Variants in PCDHB8 observed in about 807,000 individuals in gnomAD.
PCDHB8 encodes protocadherin beta-8.
For synonymous variants in PCDHB8, 385 were observed against 448.5 expected, an observed-to-expected ratio of 0.86 and a Z score of 1.79; for missense variants, 836 against 1,004.0, an observed-to-expected ratio of 0.83 and a Z score of 2.26.
In PCDHB8 at chr5:141,178,938, A is replaced by T. The variant is rs781833655; in HGVS notation, c.904A>T (p.Ile302Phe). 6.2e-7 allele frequency: 1 copy of T among 1,614,132 alleles called. No individual in the cohort carries two copies. Among genetic ancestry groups the T allele is most frequent in the Non-Finnish European group, 8.5e-7 (1 of 1,180,060 alleles). ...TFKVDFLTGE[I>F]RLKKQLDFEK... Reference sequence around the variant, plus strand: ...TAAGGTCGATTTCTTGACAGGAGAAATTCGACTAAAGAAACAACTTGATTT... The same window carrying T: ...TAAGGTCGATTTCTTGACAGGAGAATTTCGACTAAAGAAACAACTTGATTT... The change falls in exon 1 of 1, where the codon ATT (isoleucine) becomes TTT (phenylalanine). Residue 302 changes from isoleucine to phenylalanine, a missense_variant. Transcript: ENST00000239444.
Position 141,179,815 on chromosome 5 carries a change from A to G in PCDHB8, c.1781A>G (p.Asp594Gly), listed in dbSNP as rs782612510. The G allele has an allele frequency of 4.3e-6, 7 of 1,610,226 alleles. No individual in the cohort carries two copies. Among genetic ancestry groups the G allele is most frequent in the Non-Finnish European group, 5.9e-6 (7 of 1,179,544 alleles). ...CTGGTGACCAAGGTGGTGGCGGTGG[A>G]CGGCGACTCGGGCCAGAACGCCTGG... ...GYLVTKVVAV[D>G]GDSGQNAWLS... The change falls in exon 1 of 1, where the codon GAC becomes GGC. Residue 594 changes from aspartate to glycine, a missense_variant. Asp to Gly is a moderately conservative substitution (Grantham distance 94, BLOSUM62 -1). Transcript: ENST00000239444.
chr5:141,179,292 G>C lies in PCDHB8; in HGVS notation c.1258G>C (p.Val420Leu), dbSNP rs1184271669. Residue 420 changes from valine (V) to leucine (L), a missense_variant, in exon 1 of 1, where the codon GTC (valine) becomes CTC (leucine). Coordinates refer to ENST00000239444, the MANE Select transcript of PCDHB8 (RefSeq NM_019120.5). ...CAGAGAAAGCAGAGCCGAGTACAAC[G>C]TCACTATCACCGTCACTGACTTAGG... Reference protein sequence around the residue: ...LDRESRAEYNVTITVTDLGTP... With the variant: ...LDRESRAEYNLTITVTDLGTP... 1.9e-6 allele frequency: 3 copies of C among 1,614,174 alleles called. No homozygotes were observed. The highest frequency in any genetic ancestry group is 1.1e-5 in the South Asian group (1 of 91,082).
Position 141,180,125 on chromosome 5 carries a change from G to C in PCDHB8, c.2091G>C (p.Ser697=). 6.2e-7 allele frequency: 1 copy of C among 1,610,978 alleles called. No individual in the cohort carries two copies. The highest frequency in any genetic ancestry group is 1.1e-5 in the South Asian group (1 of 90,974). ...TCTACCTGGTGGTGGCGTTGGCCTC[G>C]GTGTCTTCGCTCTTCCTCTTCTCGG... ...LTVYLVVALA[S]VSSLFLFSVL... The change falls in exon 1 of 1, where the codon TCG becomes TCC. Residue 697 remains serine, a synonymous_variant. Coordinates refer to ENST00000239444, the MANE Select transcript of PCDHB8 (RefSeq NM_019120.5).
In PCDHB8 at chr5:141,179,754, A is replaced by C; in HGVS notation, c.1720A>C (p.Thr574Pro). The C allele has an allele frequency of 6.2e-7, 1 of 1,611,230 alleles. No homozygotes were observed. Among genetic ancestry groups the C allele is most frequent in the Non-Finnish European group, 8.5e-7 (1 of 1,179,482 alleles). Residue 574 changes from threonine to proline, a missense_variant, in exon 1 of 1, where the codon ACC becomes CCC. Thr to Pro is a conservative substitution (Grantham distance 38, BLOSUM62 -1). Transcript: ENST00000239444. The stretch of plus-strand genomic sequence containing the variant: ...GCTGCAGAATGGCTCCGCGCCCTGC[A>C]CCGAGCTGGTGCCCCGGGCGGCCGA... The part of the protein sequence containing the change: ...YPLQNGSAPC[T>P]ELVPRAAEPG...
Position 141,179,680 on chromosome 5 carries a change from G to A in PCDHB8, c.1646G>A (p.Arg549His). The change falls in exon 1 of 1, where the codon CGC (arginine) becomes CAC (histidine). Residue 549 changes from arginine to histidine, a missense_variant. Physicochemically the swap from Arg to His is conservative, Grantham distance 29. Coordinates refer to ENST00000239444, the MANE Select transcript of PCDHB8 (RefSeq NM_019120.5). ...SPALSSEALV[R>H]VLVLDANDNS... ...GCTTTGAGCAGCGAGGCGCTGGTGC[G>A]CGTGCTGGTGCTGGACGCCAACGAC... The A allele has an allele frequency of 6.2e-7, 1 of 1,612,334 alleles. No individual in the cohort carries two copies. The highest frequency in any genetic ancestry group is 8.5e-7 in the Non-Finnish European group (1 of 1,179,828).
Position 141,179,962 on chromosome 5 carries a change from T to C in PCDHB8, c.1928T>C (p.Val643Ala). The C allele has an allele frequency of 6.2e-7, 1 of 1,608,582 alleles. No individual in the cohort carries two copies. Residue 643 changes from valine to alanine, a missense_variant, in exon 1 of 1, where the codon GTG becomes GCG. By Grantham distance (64) the Val-to-Ala change is moderately conservative (BLOSUM62 0). Transcript: ENST00000239444. ...GACGCGGCCAAGCAGAGGCTGGTGGTGCTGGTCAAGGACAATGGCGAGCCT... is the reference window on the plus strand; with the variant it reads ...GACGCGGCCAAGCAGAGGCTGGTGGCGCTGGTCAAGGACAATGGCGAGCCT... ...ERDAAKQRLV[V>A]LVKDNGEPPC... is the part of the protein sequence containing the mutation.
At position 141,178,873 on chromosome 5, in the gene PCDHB8, A is replaced by G. The variant is rs1554281035; in HGVS notation, c.839A>G (p.Tyr280Cys). The G allele has an allele frequency of 6.2e-7, 1 of 1,614,236 alleles. No homozygotes were observed. Among genetic ancestry groups the G allele is most frequent in the African/African-American group, 1.3e-5 (1 of 75,068 alleles). ...VDTGVNGEIS[Y>C]SLFQASDEIS... is the part of the protein sequence containing the mutation. ...ACAGGAGTCAACGGAGAGATTTCCT[A>G]TTCACTTTTCCAAGCTTCAGATGAG... is the stretch of plus-strand genomic sequence containing the variant. The change falls in exon 1 of 1, where the codon TAT (tyrosine) becomes TGT (cysteine). Residue 280 changes from tyrosine (Y) to cysteine (C), a missense_variant. Tyr to Cys is a radical substitution (Grantham distance 194). Coordinates refer to ENST00000239444, the MANE Select transcript of PCDHB8 (RefSeq NM_019120.5).
At position 141,180,199 on chromosome 5, in the gene PCDHB8, C is replaced by T. The variant is rs782425180; in HGVS notation, c.2165C>T (p.Ser722Leu). The T allele has an allele frequency of 1.5e-5, 24 of 1,612,700 alleles. No individual in the cohort carries two copies. The East Asian group carries it at 4.9e-4, about 33-fold the overall frequency. ...VLLCRRSRAA[S>L]VGRCSVPEGP... ...CTGTGTAGGAGGAGCAGGGCGGCCTCGGTGGGTCGCTGCTCAGTGCCTGAG... is the reference window on the plus strand; with the variant it reads ...CTGTGTAGGAGGAGCAGGGCGGCCTTGGTGGGTCGCTGCTCAGTGCCTGAG... Residue 722 changes from serine (S) to leucine (L), a missense_variant, in exon 1 of 1, where the codon TCG (serine) becomes TTG (leucine). By Grantham distance (145) the Ser-to-Leu change is moderately radical. Transcript: ENST00000239444.
In PCDHB8 at chr5:141,179,189, C is replaced by T; in HGVS notation, c.1155C>T (p.Ser385=). ...DSGENGKISC[S]IQEDLPFLLK... Reference sequence around the variant, plus strand: ...GAGAAAATGGGAAAATAAGTTGCTCCATTCAGGAGGATCTACCCTTCCTCC... The same window carrying T: ...GAGAAAATGGGAAAATAAGTTGCTCTATTCAGGAGGATCTACCCTTCCTCC... Residue 385 remains serine (S), a synonymous_variant, in exon 1 of 1, where the codon TCC becomes TCT. Coordinates refer to ENST00000239444, the MANE Select transcript of PCDHB8 (RefSeq NM_019120.5). The T allele has an allele frequency of 6.2e-7, 1 of 1,614,180 alleles. No homozygotes were observed.
In PCDHB8 at chr5:141,179,828, C is replaced by A. The variant is rs1485526182; in HGVS notation, c.1794C>A (p.Gly598=). 33 of 1,610,334 alleles carry A rather than the reference C, an allele frequency of 2.0e-5. No homozygotes were observed. Among genetic ancestry groups the A allele is most frequent in the Non-Finnish European group, 2.6e-5 (31 of 1,179,652 alleles). ...TKVVAVDGDS[G]QNAWLSYQLL... ...TGGTGGCGGTGGACGGCGACTCGGG[C>A]CAGAACGCCTGGCTGTCGTACCAGC... The change falls in exon 1 of 1, where the codon GGC becomes GGA. Residue 598 remains glycine, a synonymous_variant. Coordinates refer to ENST00000239444, the MANE Select transcript of PCDHB8 (RefSeq NM_019120.5).
Position 141,179,982 on chromosome 5 carries a change from G to T in PCDHB8, c.1948G>T (p.Glu650Ter). The T allele has an allele frequency of 6.2e-7, 1 of 1,608,650 alleles. No individual in the cohort carries two copies. The highest frequency in any genetic ancestry group is 8.5e-7 in the Non-Finnish European group (1 of 1,179,694). The change falls in exon 1 of 1, where the codon GAG (glutamate) becomes TAG (stop). Residue 650 changes from glutamate (E) to a stop codon, truncating the protein, a stop_gained. Transcript: ENST00000239444. LOFTEE classifies it low-confidence loss of function (END_TRUNC). The part of the protein sequence containing the change: ...RLVVLVKDNG[E>*]PPCSATATLH... ...GGTGGTGCTGGTCAAGGACAATGGC[G>T]AGCCTCCGTGCTCGGCCACCGCCAC...
At position 141,179,694 on chromosome 5, in the gene PCDHB8, G is replaced by C; in HGVS notation, c.1660G>C (p.Asp554His). The change falls in exon 1 of 1, where the codon GAC (aspartate) becomes CAC (histidine). Residue 554 changes from aspartate (D) to histidine (H), a missense_variant. By Grantham distance (81) the Asp-to-His change is moderately conservative (BLOSUM62 -1). Transcript: ENST00000239444. ...SEALVRVLVL[D>H]ANDNSPFVLY... ...GGCGCTGGTGCGCGTGCTGGTGCTG[G>C]ACGCCAACGACAACTCGCCCTTCGT... 6.2e-7 allele frequency: 1 copy of C among 1,612,300 alleles called. No homozygotes were observed. Among genetic ancestry groups the C allele is most frequent in the Non-Finnish European group, 8.5e-7 (1 of 1,179,832 alleles).
Position 141,180,192 on chromosome 5 carries a change from G to A in PCDHB8, c.2158G>A (p.Ala720Thr), listed in dbSNP as rs1753521984. 2 of 1,612,552 alleles carry A rather than the reference G, an allele frequency of 1.2e-6. No individual in the cohort carries two copies. Among genetic ancestry groups the A allele is most frequent in the Admixed American group, 1.7e-5 (1 of 60,000 alleles). Residue 720 changes from alanine to threonine, a missense_variant, in exon 1 of 1, where the codon GCG becomes ACG. Transcript: ENST00000239444. Reference protein sequence around the residue: ...VAVLLCRRSRAASVGRCSVPE... With the variant: ...VAVLLCRRSRTASVGRCSVPE... ...GGTGCTGCTGTGTAGGAGGAGCAGG[G>A]CGGCCTCGGTGGGTCGCTGCTCAGT...
rs782269574 is a variant in PCDHB8, at chr5:141,179,588, G to T, written c.1554G>T (p.Arg518Ser). Residue 518 changes from arginine (R) to serine (S), a missense_variant, in exon 1 of 1, where the codon AGG becomes AGT. Coordinates refer to ENST00000239444, the MANE Select transcript of PCDHB8 (RefSeq NM_019120.5). ...ACAACGGCCACCTGTTCGCCCTCAG[G>T]TCGCTGGACTACGAGGCCCTGCAGG... is the stretch of plus-strand genomic sequence containing the variant. The part of the protein sequence containing the change: ...NTDNGHLFAL[R>S]SLDYEALQAF... 3 of 1,613,674 alleles carry T rather than the reference G, an allele frequency of 1.9e-6. No homozygotes were observed. Among genetic ancestry groups the T allele is most frequent in the Non-Finnish European group, 2.5e-6 (3 of 1,179,990 alleles).
In PCDHB8 at chr5:141,180,317, G is replaced by C; in HGVS notation, c.2283G>C (p.Gly761=). 1.2e-6 allele frequency: 2 copies of C among 1,614,102 alleles called. No individual in the cohort carries two copies. Among genetic ancestry groups the C allele is most frequent in the Non-Finnish European group, 1.7e-6 (2 of 1,179,966 alleles). ...QYEVCLAGGS[G]TNEFQLLKPV... ...AGGTGTGCCTGGCAGGAGGCTCAGG[G>C]ACGAATGAGTTCCAGCTCCTGAAAC... is the stretch of plus-strand genomic sequence containing the variant. Residue 761 remains glycine (G), a synonymous_variant, in exon 1 of 1, where the codon GGG becomes GGC. Transcript: ENST00000239444.
chr5:141,178,931 A>T lies in PCDHB8; in HGVS notation c.897A>T (p.Thr299=). The change falls in exon 1 of 1, where the codon ACA becomes ACT. Residue 299 remains threonine, a synonymous_variant. Coordinates refer to ENST00000239444, the MANE Select transcript of PCDHB8 (RefSeq NM_019120.5). ...ISKTFKVDFL[T]GEIRLKKQLD... Reference sequence around the variant, plus strand: ...AAACTTTTAAGGTCGATTTCTTGACAGGAGAAATTCGACTAAAGAAACAAC... The same window carrying T: ...AAACTTTTAAGGTCGATTTCTTGACTGGAGAAATTCGACTAAAGAAACAAC... The T allele has an allele frequency of 6.2e-7, 1 of 1,614,256 alleles. No individual in the cohort carries two copies. Among genetic ancestry groups the T allele is most frequent in the Non-Finnish European group, 8.5e-7 (1 of 1,180,042 alleles).
At position 141,177,919 on chromosome 5, in the gene PCDHB8, GA is replaced by G. The variant is rs1554280816; in HGVS notation, c.-115del. ...AGGGAGGACGGCTGGGTCCTCTGGA[GA>G]GGACTACTCACTGGCATATTTCTGA... On this transcript the variant is annotated 5_prime_UTR_variant, in exon 1 of 1. An upstream open reading frame in the 5' UTR gains an earlier in-frame stop. Coordinates refer to ENST00000239444, the MANE Select transcript of PCDHB8 (RefSeq NM_019120.5). 1 of 1,365,222 alleles carries G rather than the reference GA, an allele frequency of 7.3e-7. No homozygotes were observed. The highest frequency in any genetic ancestry group is 2.0e-5 in the Admixed American group (1 of 49,392). The allele number at this position is 1,365,222 out of a possible 1,614,324, so 84.6% of individuals were successfully genotyped here.
chr5:141,178,492 T>C lies in PCDHB8; in HGVS notation c.458T>C (p.Phe153Ser). The stretch of plus-strand genomic sequence containing the variant: ...GAGAGCAGTCCTCCTGGGACTGCGT[T>C]TCCTCTGAAGAATGCTGAAGACTTA... ...VSESSPPGTA[F>S]PLKNAEDLDI... The change falls in exon 1 of 1, where the codon TTT (phenylalanine) becomes TCT (serine). Residue 153 changes from phenylalanine (F) to serine (S), a missense_variant. Transcript: ENST00000239444. 6.2e-7 allele frequency: 1 copy of C among 1,614,204 alleles called. No individual in the cohort carries two copies. The highest frequency in any genetic ancestry group is 1.3e-5 in the African/African-American group (1 of 75,042).
chr5:141,178,757 T>G lies in PCDHB8; in HGVS notation c.723T>G (p.Pro241=), dbSNP rs1286388068. ...TTGTCGATGTCAATGATAATGCCCC[T>G]GAATTTGAGCAGCCTTTCTATAGGG... ...IEVVDVNDNA[P]EFEQPFYRVQ... is the part of the protein sequence containing the mutation. The change falls in exon 1 of 1, where the codon CCT becomes CCG. Residue 241 remains proline, a synonymous_variant. Transcript: ENST00000239444. 6.2e-7 allele frequency: 1 copy of G among 1,613,134 alleles called. No homozygotes were observed. The highest frequency in any genetic ancestry group is 1.3e-5 in the African/African-American group (1 of 74,862).
Sources: gnomAD v4.1 joint callset for allele counts on GRCh38, gnomAD v4.1.1 for gene constraint, MANE v1.5 for transcripts, NCBI Gene and HGNC (gene_info 2026-07-23, HGNC 2026-07-21) for gene names.